The following SUSD5 variants were observed in gnomAD, a reference collection of about 807,000 sequenced individuals.
SUSD5 encodes the protein sushi domain containing 5.
SUSD5 carries 33 observed loss-of-function variants against 29.5 expected under a neutral mutation model. That is an observed-to-expected ratio of 1.12 (90% CI 0.85 to 1.49). SUSD5 has a LOEUF of 1.49. SUSD5 is among the 40% of genes most tolerant of loss of function. The pLI, the probability that SUSD5 is intolerant of heterozygous loss-of-function variation, is 0.00. For missense variants in SUSD5, 776 were observed against 800.6 expected (o/e 0.97, Z 0.37); for synonymous variants, 308 against 325.3 (o/e 0.95, Z 0.57).
intron 4 of SUSD5, among the ~76,000 whole-genome samples, chr3:33,155,496 G>A (rs2031029601): frequency 6.6e-6 from 1 of 152,006 alleles, no homozygotes; most frequent in South Asian, 2.1e-4. Flanking sequence ...TGGAAAACTG[G>A]GCATCTCTAC....
At chr3:33,192,077 A>ATT (rs1348184526) in intron 3 of SUSD5, among the ~76,000 whole-genome samples, 1 of 132,908 alleles carries the variant, frequency 7.5e-6, no homozygotes, top group African/African-American at 2.6e-5. Context: ...ATTAATGCGC[A>ATT]TATTTTTTTT....
intron 3 of SUSD5, among the ~76,000 whole-genome samples, chr3:33,200,216 C>G (rs371498266): frequency 1.3e-5 from 2 of 152,204 alleles, no homozygotes; most frequent in African/African-American, 4.8e-5. Context: ...GAATTGGGAA[C>G]TGGGTCCTCA....
chr3:33,171,384 A>G (rs761717241), intron 4 of SUSD5, among the ~76,000 whole-genome samples: 1 of 152,106 alleles, frequency 6.6e-6, no homozygotes, highest in Non-Finnish European at 1.5e-5. Context: ...TAAGGCTCAG[A>G]AAAGTCAAGA....
chr3:33,170,151 T>G (rs2031394600), intron 4 of SUSD5, among the ~76,000 whole-genome samples: 1 of 151,972 alleles, frequency 6.6e-6, no homozygotes, highest in African/African-American at 2.4e-5. Context: ...ACTCCTGACC[T>G]CAAGTAATCC....
At chr3:33,187,654 CT>C (rs56965213) in intron 3 of SUSD5, among the ~76,000 whole-genome samples, 1,614 of 143,356 alleles carry the variant, frequency 0.011, 9 homozygotes, top group African/African-American at 0.021. Context: ...TACTAACAGT[CT>C]TTTTTTTTTT....
chr3:33,215,417 T>C (rs2032409969), intron 1 of SUSD5, among the ~76,000 whole-genome samples: 2 of 152,272 alleles, frequency 1.3e-5, no homozygotes, highest in South Asian at 4.1e-4. Flanking sequence ...ACAAAAATCA[T>C]ACAAAGCATG....
At position 33,172,603 on chromosome 3, in the gene SUSD5, C is replaced by T. The variant is rs375397799; in HGVS notation, c.598+2283G>A. On this transcript the variant is annotated intron_variant, in intron 4 of 4. Coordinates refer to ENST00000309558, the MANE Select transcript of SUSD5 (RefSeq NM_015551.2). ...ATGATCAGAATTGGCAAGTAGCTCC[C>T]GCCTGGCACAAAGCAACAGGAACAG... is the stretch of plus-strand genomic sequence containing the variant. Among the ~76,000 whole-genome samples the T allele has an allele frequency of 4.2e-4, 64 of 152,314 alleles. No homozygotes were observed. The South Asian group carries it at 9.7e-3, about 23-fold the overall frequency.
intron 1 of SUSD5, among the ~76,000 whole-genome samples, chr3:33,218,432 G>A (rs940190588): frequency 6.6e-6 from 1 of 152,244 alleles, no homozygotes; most frequent in Non-Finnish European, 1.5e-5. Context: ...AGCCAGCGGC[G>A]GGACTGCGGG....
chr3:33,210,880 A>T (rs7640674), intron 2 of SUSD5, among the ~76,000 whole-genome samples: 1 of 75,762 alleles, frequency 1.3e-5, no homozygotes, highest in East Asian at 2.4e-4. Flanking sequence ...TCTTTCTTTC[A>T]TTATTTATTT....
At chr3:33,184,517 G>T (rs1291124219) in intron 3 of SUSD5, among the ~76,000 whole-genome samples, 1 of 151,990 alleles carries the variant, frequency 6.6e-6, no homozygotes, top group South Asian at 2.1e-4. Flanking sequence ...TATTGCTTCT[G>T]TTCCTTTCTT....
intron 3 of SUSD5, among the ~76,000 whole-genome samples, chr3:33,193,581 A>G (rs2031939848): frequency 6.6e-6 from 1 of 152,054 alleles, no homozygotes; most frequent in Non-Finnish European, 1.5e-5. Flanking sequence ...GGGTCTGGAG[A>G]GATTAGGCTT....
At position 33,174,925 on chromosome 3, in the gene SUSD5, A is replaced by G. The variant is rs369016081; in HGVS notation, c.559T>C (p.Cys187Arg). Residue 187 changes from cysteine to arginine, a missense_variant, in exon 4 of 5, where the codon TGT (cysteine) becomes CGT (arginine). By Grantham distance (180) the Cys-to-Arg change is radical (BLOSUM62 -3). Transcript: ENST00000309558. ...ETAFTLLCNS[C>R]GEWYGLVQAC... The stretch of plus-strand genomic sequence containing the variant: ...TGCACCAGGCCGTACCACTCCCCAC[A>G]GCTGTTACATAGCAAGGTGAAGGCG... 9.3e-6 allele frequency: 15 copies of G among 1,613,962 alleles called. No homozygotes were observed. The highest frequency in any genetic ancestry group is 1.2e-5 in the Non-Finnish European group (14 of 1,179,872).
In SUSD5 at chr3:33,159,735, A is replaced by G. The variant is rs1452497328; in HGVS notation, c.599-5702T>C. On this transcript the variant is annotated intron_variant, in intron 4 of 4. Coordinates refer to ENST00000309558, the MANE Select transcript of SUSD5 (RefSeq NM_015551.2). The stretch of plus-strand genomic sequence containing the variant: ...CACACACACACACACAAACACAAAC[A>G]TAAAACTGGGCTTACTGAATGTGAA... Among the ~76,000 whole-genome samples the G allele has an allele frequency of 2.0e-5, 3 of 152,298 alleles. No individual in the cohort carries two copies. In the East Asian group the frequency reaches 5.8e-4, roughly 29 times the overall value.
At chr3:33,181,709 T>C (rs756550527) in intron 3 of SUSD5, among the ~76,000 whole-genome samples, 1 of 152,220 alleles carries the variant, frequency 6.6e-6, no homozygotes, top group Non-Finnish European at 1.5e-5. Context: ...ACTGTATTTT[T>C]ACTGTACCTT....
In SUSD5 at chr3:33,154,002, ATC is replaced by A; in HGVS notation, c.628_629del (p.Asp210Ter). 1 of 1,602,670 alleles carries A rather than the reference ATC, an allele frequency of 6.2e-7. No individual in the cohort carries two copies. Among genetic ancestry groups the A allele is most frequent in the Non-Finnish European group, 8.5e-7 (1 of 1,176,638 alleles). On this transcript the variant is annotated frameshift_variant, in exon 5 of 5. Transcript: ENST00000309558. LOFTEE classifies it low-confidence loss of function (END_TRUNC). Reference protein sequence around the residue: ...DEAEAHIDYEDNFPDDRSVSF... With the variant: ...DEAEAHIDYEXNFPDDRSVSF... ...ACACAGATCTGTCATCAGGGAAGTT[ATC>A]TTCATAGTCAATGTGTGCCTCAGCC... is the stretch of plus-strand genomic sequence containing the variant.
chr3:33,207,977 A>C (rs1196182688), intron 2 of SUSD5, 51 bp from the exon 3 acceptor site: 4 of 1,357,456 alleles, frequency 2.9e-6, no homozygotes, highest in Non-Finnish European at 3.1e-6. Context: ...GGTTGAAAAT[A>C]ATAAGGAATA....
At chr3:33,154,846 C>G (rs1013596855) in intron 4 of SUSD5, among the ~76,000 whole-genome samples, 1 of 152,180 alleles carries the variant, frequency 6.6e-6, no homozygotes, top group South Asian at 2.1e-4. Context: ...GTTGGCAATT[C>G]TGTCCAAATC....
intron 3 of SUSD5, among the ~76,000 whole-genome samples, chr3:33,197,526 AAATGTATCC>A (rs1435744093): frequency 6.6e-6 from 1 of 151,856 alleles, no homozygotes; most frequent in Non-Finnish European, 1.5e-5. Context: ...CAATTTTGCT[AAATGTATCC>A]AATTGTATAA....
intron 4 of SUSD5, among the ~76,000 whole-genome samples, chr3:33,164,442 T>C (rs1431170573): frequency 6.6e-6 from 1 of 152,234 alleles, no homozygotes; most frequent in Non-Finnish European, 1.5e-5. Flanking sequence ...TGCTTAACAC[T>C]ACTTATCTGC....
Sources: allele counts gnomAD v4.1 joint callset (sites outside exome capture counted in the v4.1 genomes callset), GRCh38; gene constraint gnomAD v4.1.1; transcripts MANE v1.5; gene names NCBI Gene and HGNC (gene_info 2026-07-23, HGNC 2026-07-21).